The following LINGO1 variants were observed in gnomAD, a reference collection of about 807,000 sequenced individuals.
The protein encoded by LINGO1 is leucine rich repeat and Ig domain containing 1, also known as leucine-rich repeat and immunoglobulin-like domain-containing nogo receptor-interacting protein 1.
Under a neutral mutation model 37.3 loss-of-function variants are expected in LINGO1, and 11 were observed. The ratio of observed to expected loss-of-function variants is 0.29; its 90% CI spans 0.19 to 0.49. The LOEUF is 0.49. Among genes scored for constraint, LINGO1 ranks in the 20% least tolerant of loss-of-function variants. The probability of loss-of-function intolerance (pLI) is 0.99; values close to 1 mark genes in which losing one functional copy is unlikely to be tolerated. For missense variants in LINGO1, 585 were observed against 878.2 expected (o/e 0.67, Z 4.22); for synonymous variants, 387 against 403.0 (o/e 0.96, Z 0.48).
upstream of LINGO1, among the ~76,000 whole-genome samples, chr15:77,699,710 T>TCTGCACACAGTAAGCACATACTAACCA (rs1567532138): frequency 7.0e-4 from 2 of 2,872 alleles, no homozygotes; most frequent in Non-Finnish European, 2.3e-3. Flanking sequence ...CTAACCATCA[T>TCTGCACACAGTAAGCACATACTAACCA]TCCCACACAC....
intron 3 of LINGO1, among the ~76,000 whole-genome samples, chr15:77,664,010 C>G (rs1486575711): frequency 1.3e-5 from 2 of 152,172 alleles, no homozygotes; most frequent in African/African-American, 4.8e-5. Flanking sequence ...TGCCTTCGGA[C>G]CTCGGCTGAG....
In LINGO1 at chr15:77,779,269, C is replaced by G. The variant is rs572507548; in HGVS notation, c.-257+7600G>C. ...TATCTTGTTTAATATCTCTCTCCCC[C>G]ACTACAGCAGTCCCCAACCTTTCTG... On this transcript the variant is annotated intron_variant, in intron 1 of 3. Transcript: ENST00000561686. 1.2e-4 allele frequency among the ~76,000 whole-genome samples: 19 copies of G among 152,246 alleles called. No homozygotes were observed. In the East Asian group the frequency reaches 3.5e-3, roughly 28 times the overall value.
chr15:77,633,570 C>G (rs1249657742), upstream of LINGO1, among the ~76,000 whole-genome samples: 1 of 152,142 alleles, frequency 6.6e-6, no homozygotes. Context: ...GCAGCTCTAC[C>G]CAGGAGCCGG....
At chr15:77,652,483 A>AGTGTGTGTGTGTGTGTGTGTGTGT (rs773433884) in intron 3 of LINGO1, among the ~76,000 whole-genome samples, 85 of 128,956 alleles carry the variant, frequency 6.6e-4, no homozygotes, top group East Asian at 4.1e-3. Flanking sequence ...GGGGAGGGAG[A>AGTGTGTGTGTGTGTGTGTGTGTGT]GTGTGTGTGT....
intron 3 of LINGO1, among the ~76,000 whole-genome samples, chr15:77,658,156 C>G (rs1415200179): frequency 1.3e-5 from 2 of 152,208 alleles, no homozygotes; most frequent in Admixed American, 6.5e-5. Context: ...TCCCCGTCAG[C>G]AGGGCCGCCC....
At chr15:77,713,599 G>A (rs1351389019) in intron 2 of LINGO1, among the ~76,000 whole-genome samples, 1 of 151,904 alleles carries the variant, frequency 6.6e-6, no homozygotes, top group Non-Finnish European at 1.5e-5. Flanking sequence ...ACACACACAG[G>A]ACTATATATA....
chr15:77,730,032 G>C (rs983768103), intron 2 of LINGO1, among the ~76,000 whole-genome samples: 1 of 152,026 alleles, frequency 6.6e-6, no homozygotes, highest in African/African-American at 2.4e-5. Context: ...TGCTCCCCAG[G>C]GAATGAAAAA....
At chr15:77,781,344 C>T (rs2076715070) in intron 1 of LINGO1, among the ~76,000 whole-genome samples, 1 of 152,198 alleles carries the variant, frequency 6.6e-6, no homozygotes, top group Admixed American at 6.5e-5. Context: ...CCAGCTCCCA[C>T]GCCGAAGGAG....
chr15:77,716,257 C>G (rs1407237363), intron 2 of LINGO1, among the ~76,000 whole-genome samples: 1 of 145,274 alleles, frequency 6.9e-6, no homozygotes, highest in African/African-American at 2.5e-5. Context: ...CCACTTTGGG[C>G]TATTTTCTTT....
chr15:77,733,600 C>T (rs899437126), intron 2 of LINGO1, among the ~76,000 whole-genome samples: 3 of 152,306 alleles, frequency 2.0e-5, no homozygotes, highest in Non-Finnish European at 2.9e-5. Flanking sequence ...AATCCTACCT[C>T]GCGACCGAGG....
upstream of LINGO1, among the ~76,000 whole-genome samples, chr15:77,634,517 C>T (rs2074355389): frequency 6.6e-6 from 1 of 152,190 alleles, no homozygotes; most frequent in Admixed American, 6.5e-5. Context: ...GGAGGGAAGC[C>T]CAGGCCCAGA....
intron 2 of LINGO1, among the ~76,000 whole-genome samples, chr15:77,795,181 T>C (rs770311177): frequency 6.6e-6 from 1 of 151,996 alleles, no homozygotes; most frequent in Non-Finnish European, 1.5e-5. Context: ...AGATATGGGG[T>C]AGAGGTGACT....
chr15:77,706,449 A>G (rs1007796287), intron 2 of LINGO1, among the ~76,000 whole-genome samples: 1 of 151,962 alleles, frequency 6.6e-6, no homozygotes, highest in Non-Finnish European at 1.5e-5. Context: ...TTTCTCTTAG[A>G]CCAAAACCCA....
intron 1 of LINGO1, among the ~76,000 whole-genome samples, chr15:77,775,553 C>T (rs958856819): frequency 1.3e-5 from 2 of 152,098 alleles, no homozygotes; most frequent in Non-Finnish European, 1.5e-5. Flanking sequence ...AAGCCTCGGC[C>T]CCAGCAGCTC....
chr15:77,762,355 C>T (rs2076486061), intron 1 of LINGO1, among the ~76,000 whole-genome samples: 1 of 152,230 alleles, frequency 6.6e-6, no homozygotes, highest in African/African-American at 2.4e-5. Context: ...TACAGAGTCT[C>T]ATAGCTCCAG....
intron 2 of LINGO1, among the ~76,000 whole-genome samples, chr15:77,716,265 T>TTTCTTCTTC (rs201209680): frequency 7.2e-6 from 1 of 137,932 alleles, no homozygotes; most frequent in South Asian, 2.4e-4. Context: ...GGCTATTTTC[T>TTTCTTCTTC]TTCTTCTTCT....
intron 1 of LINGO1, among the ~76,000 whole-genome samples, chr15:77,818,316 C>T (rs898083576): frequency 1.3e-5 from 2 of 152,244 alleles, no homozygotes; most frequent in African/African-American, 2.4e-5. Flanking sequence ...GCTTTCCATC[C>T]CATCTTCCAC....
chr15:77,705,838 T>C (rs1440588183), intron 2 of LINGO1, among the ~76,000 whole-genome samples: 6 of 152,078 alleles, frequency 3.9e-5, no homozygotes, highest in Non-Finnish European at 2.9e-5. Flanking sequence ...CAGCCCCAGG[T>C]GAAGACCACC....
intron 3 of LINGO1, among the ~76,000 whole-genome samples, chr15:77,649,881 A>G (rs940628233): frequency 3.3e-5 from 5 of 152,148 alleles, no homozygotes; most frequent in African/African-American, 1.2e-4. Context: ...CGCGACTCCT[A>G]CCACCAACTC....
Sources: allele counts gnomAD v4.1 joint callset (sites outside exome capture counted in the v4.1 genomes callset), GRCh38; gene constraint gnomAD v4.1.1; transcripts MANE v1.5; gene names NCBI Gene and HGNC (gene_info 2026-07-23, HGNC 2026-07-21).